Variants in SPMAP2L observed in about 807,000 individuals in gnomAD.
SPMAP2L encodes sperm microtubule associated protein 2-like.
At chr4:56,532,245 C>T in the SPMAP2L span, among the ~76,000 whole-genome samples, 1 of 151,870 alleles carries the variant, frequency 6.6e-6, no homozygotes, top group South Asian at 2.1e-4. Context: ...TTGCCCCATT[C>T]TTTATCGAGA....
At chr4:56,600,097 CTTTTTTTTTTTTT>C in the SPMAP2L span, among the ~76,000 whole-genome samples, 13 of 87,804 alleles carry the variant, frequency 1.5e-4, no homozygotes, top group African/African-American at 3.5e-4. Flanking sequence ...TCTTTGCTTT[CTTTTTTTTTTTTT>C]TTTTTTTTTT....
chr4:56,559,495 G>C, the SPMAP2L span: 1 of 1,529,432 alleles, frequency 6.5e-7, no homozygotes, highest in Non-Finnish European at 8.7e-7. Flanking sequence ...GCCCAAGGAA[G>C]TTTCCTGCCA....
the SPMAP2L span, among the ~76,000 whole-genome samples, chr4:56,602,047 TG>T: frequency 6.6e-6 from 1 of 152,222 alleles, no homozygotes; most frequent in Non-Finnish European, 1.5e-5. Context: ...AATAGGCTTT[TG>T]TATTTTTCCA....
chr4:56,534,833 G>A, the SPMAP2L span, among the ~76,000 whole-genome samples: 1 of 152,182 alleles, frequency 6.6e-6, no homozygotes, highest in Non-Finnish European at 1.5e-5. Context: ...GGAGGCTAAG[G>A]CAGGAGAATC....
the SPMAP2L span, chr4:56,603,399 G>A: frequency 3.8e-6 from 4 of 1,056,234 alleles, no homozygotes; most frequent in Non-Finnish European, 5.2e-6. Flanking sequence ...CCCTGTTGCG[G>A]TACTGTCAGT....
the SPMAP2L span, chr4:56,594,526 T>C: frequency 6.2e-7 from 1 of 1,608,246 alleles, no homozygotes; most frequent in Non-Finnish European, 8.5e-7. Flanking sequence ...AGGGAGAATA[T>C]GCTGGACTGG....
chr4:56,559,311 A>C, the SPMAP2L span: 72 of 1,115,580 alleles, frequency 6.5e-5, 1 homozygote, highest in African/African-American at 1.1e-3. Flanking sequence ...CTCAAAAAAA[A>C]AAAAAAAAAA....
the SPMAP2L span, among the ~76,000 whole-genome samples, chr4:56,571,139 C>A: frequency 8.2e-5 from 12 of 146,530 alleles, no homozygotes; most frequent in African/African-American, 2.0e-4. Flanking sequence ...AAAAAAAAAA[C>A]AAAAAACCTT....
At chr4:56,542,118 T>C in the SPMAP2L span, among the ~76,000 whole-genome samples, 1 of 152,218 alleles carries the variant, frequency 6.6e-6, no homozygotes, top group Non-Finnish European at 1.5e-5. Context: ...TAAAAGACAA[T>C]GAAAACGCAG....
chr4:56,542,741 G>A, the SPMAP2L span, among the ~76,000 whole-genome samples: 7 of 144,468 alleles, frequency 4.8e-5, no homozygotes, highest in African/African-American at 1.3e-4. Flanking sequence ...TGAGTAAGGC[G>A]CATCCTCTGG....
chr4:56,604,288 C>T, the SPMAP2L span, among the ~76,000 whole-genome samples: 754 of 152,216 alleles, frequency 5.0e-3, 6 homozygotes, highest in African/African-American at 0.017. Flanking sequence ...AAAATGGGTT[C>T]CTGCAGCATT....
the SPMAP2L span, among the ~76,000 whole-genome samples, chr4:56,615,088 C>T: frequency 6.6e-6 from 1 of 152,206 alleles, no homozygotes; most frequent in South Asian, 2.1e-4. Flanking sequence ...GGCAAAAGGA[C>T]AGCAGTGCCA....
chr4:56,609,751 G>A, the SPMAP2L span, among the ~76,000 whole-genome samples: 25 of 152,196 alleles, frequency 1.6e-4, no homozygotes, highest in South Asian at 6.2e-4. Context: ...CCCTTTTTCC[G>A]TTTTTAGCCA....
At chr4:56,587,545 A>G in the SPMAP2L span, among the ~76,000 whole-genome samples, 1 of 149,332 alleles carries the variant, frequency 6.7e-6, no homozygotes, top group Admixed American at 6.8e-5. Flanking sequence ...CTTAGCTCCC[A>G]CATATCAGTG....
the SPMAP2L span, chr4:56,595,331 C>T: frequency 6.2e-7 from 1 of 1,608,816 alleles, no homozygotes; most frequent in East Asian, 2.2e-5. Context: ...GGATTTCACG[C>T]CCCTATCATG....
At chr4:56,564,005 T>C in the SPMAP2L span, among the ~76,000 whole-genome samples, 8 of 152,142 alleles carry the variant, frequency 5.3e-5, no homozygotes, top group African/African-American at 1.9e-4. Context: ...GGTGAGAAGG[T>C]TTTTTAACTA....
chr4:56,569,736 G>A, the SPMAP2L span, among the ~76,000 whole-genome samples: 1 of 152,130 alleles, frequency 6.6e-6, no homozygotes, highest in African/African-American at 2.4e-5. Flanking sequence ...GAGCCTGGGA[G>A]GTCGAGGCCA....
chr4:56,548,903 G>A, the SPMAP2L span: 265 of 1,003,736 alleles, frequency 2.6e-4, no homozygotes, highest in East Asian at 6.3e-4. Flanking sequence ...TTCATTTGAC[G>A]TGGGTCTACC....
the SPMAP2L span, among the ~76,000 whole-genome samples, chr4:56,625,181 G>A: frequency 1.3e-5 from 2 of 152,132 alleles, no homozygotes; most frequent in Admixed American, 1.3e-4. Context: ...CTTATATGGG[G>A]CCTGCTACCC....
Sources: gnomAD v4.1 joint callset for allele counts (sites outside exome capture counted in the v4.1 genomes callset) on GRCh38, gnomAD v4.1.1 for gene constraint, MANE v1.5 for transcripts, NCBI Gene and HGNC (gene_info 2026-07-23, HGNC 2026-07-21) for gene names.